The following CELSR1 variants were observed in gnomAD, a reference collection of about 807,000 sequenced individuals.
CELSR1 encodes the protein cadherin EGF LAG seven-pass G-type receptor 1.
Under a neutral mutation model 249.1 loss-of-function variants are expected in CELSR1, and 110 were observed. That is an observed-to-expected ratio of 0.44 (90% CI 0.38 to 0.52). The LOEUF (loss-of-function observed/expected upper bound fraction) is 0.52. Ranked by LOEUF, CELSR1 falls within the 20% of genes least tolerant of loss-of-function variation. CELSR1 has a pLI of 0.00. For synonymous variants in CELSR1, 2,113 were observed against 1,900.0 expected (o/e 1.11, Z -2.92); for missense variants, 4,109 against 4,296.4 (o/e 0.96, Z 1.22).
rs2080078336 is a variant in CELSR1 at position 46,464,727 on chromosome 22, G to A, written c.3545-382C>T. On this transcript the variant is annotated intron_variant, in intron 1 of 34. Transcript: ENST00000674500. The surrounding 1 kb of genome is among the most constrained non-coding windows in gnomAD (Gnocchi z 8.5). ...AAACTCCTCACACGCTTTGGTTCCA[G>A]CCACATGAGGACTTGAAGCCCCCTT... Among the ~76,000 whole-genome samples, 2 of 152,168 alleles carry A rather than the reference G, an allele frequency of 1.3e-5. No homozygotes were observed. The highest frequency in any genetic ancestry group is 4.2e-4 in the South Asian group (2 of 4,814).
At chr22:46,457,748 T>C (rs576193181) in intron 2 of CELSR1, among the ~76,000 whole-genome samples, 2 of 152,304 alleles carry the variant, frequency 1.3e-5, no homozygotes, top group East Asian at 3.9e-4. Context: ...GCTTAGCCAG[T>C]GCTCACAGGG....
Position 46,391,856 on chromosome 22 carries a change from C to T in CELSR1, c.5965-40G>A, listed in dbSNP as rs28649014. 5,490 of 1,580,854 alleles carry T rather than the reference C, an allele frequency of 3.5e-3. 149 individuals are homozygous for T. In the African/African-American group the frequency reaches 0.06, roughly 17 times the overall value. On this transcript the variant is annotated intron_variant, in intron 14 of 34. Transcript: ENST00000674500. This position sits in a 1 kb window ranked among gnomAD's most constrained non-coding sequence, Gnocchi z 4.3. ...GGCAGGGCCTGTGACTTCAGATGCC[C>T]GGGAGAGGCCCTACCTTGCAGCGTG...
chr22:46,363,428 A>T lies in CELSR1; in HGVS notation c.9036-181T>A, dbSNP rs1331938389. On this transcript the variant is annotated intron_variant, in intron 34 of 34. Transcript: ENST00000674500. The surrounding 1 kb of genome is among the most constrained non-coding windows in gnomAD (Gnocchi z 4.3). ...CTGCCCTTGGGAGGCAGGAGAGGGG[A>T]CCAGGACCAGCCTGTGGGCCTCTGT... The T allele has an allele frequency of 5.2e-6, 3 of 576,958 alleles. No homozygotes were observed. In the East Asian group the frequency reaches 8.8e-5, roughly 17 times the overall value. The allele number at this position is 576,958 out of a possible 1,614,324, so 35.7% of individuals were successfully genotyped here. A position where few individuals can be genotyped will look rare whatever the true frequency, so the allele number is the denominator to read the frequency against.
intron 23 of CELSR1, among the ~76,000 whole-genome samples, chr22:46,378,258 G>A (rs1015792943): frequency 6.6e-6 from 1 of 152,236 alleles, no homozygotes; most frequent in Admixed American, 6.5e-5. Context: ...CTGAAGTGAG[G>A]GGCAGGTTCC....
rs994541383 is a variant in CELSR1 at position 46,386,423 on chromosome 22, C to G, written c.6718G>C (p.Val2240Leu). The G allele has an allele frequency of 6.3e-7, 1 of 1,583,786 alleles. No individual in the cohort carries two copies. Among genetic ancestry groups the G allele is most frequent in the Non-Finnish European group, 8.6e-7 (1 of 1,165,522 alleles). The part of the protein sequence containing the change: ...NVRRTYLRPF[V>L]IVTANMILAV... Reference sequence around the variant, plus strand: ...TTACTCATGTTGGCGGTGACGATGACGAAGGGCCGCAGGTACGTCCGCCGC... The same window carrying G: ...TTACTCATGTTGGCGGTGACGATGAGGAAGGGCCGCAGGTACGTCCGCCGC... Residue 2240 changes from valine (V) to leucine (L), a missense_variant, in exon 19 of 35, where the codon GTC becomes CTC. Val to Leu is a conservative substitution (Grantham distance 32). Coordinates refer to ENST00000674500, the MANE Select transcript of CELSR1 (RefSeq NM_001378328.1).
rs2147826672 is a variant in CELSR1 at position 46,535,209 on chromosome 22, G to A, written c.1962C>T (p.Ser654=). The change falls in exon 1 of 35, where the codon AGC becomes AGT. Residue 654 remains serine, a synonymous_variant. Coordinates refer to ENST00000674500, the MANE Select transcript of CELSR1 (RefSeq NM_001378328.1). ...ELDREEVEHY[S]FGVEAVDHGS... ...CGTGGTCCACCGCCTCCACCCCGAAGCTGTAGTGCTCCACCTCCTCGCGGT... is the reference window on the plus strand; with the variant it reads ...CGTGGTCCACCGCCTCCACCCCGAAACTGTAGTGCTCCACCTCCTCGCGGT... 6.2e-7 allele frequency: 1 copy of A among 1,609,616 alleles called. No individual in the cohort carries two copies. Among genetic ancestry groups the A allele is most frequent in the East Asian group, 2.2e-5 (1 of 44,868 alleles).
In CELSR1 at chr22:46,534,366, G is replaced by A. The variant is rs376784043; in HGVS notation, c.2805C>T (p.Asp935=). Residue 935 remains aspartate, a synonymous_variant, in exon 1 of 35, where the codon GAC becomes GAT. Coordinates refer to ENST00000674500, the MANE Select transcript of CELSR1 (RefSeq NM_001378328.1). This position sits in a 1 kb window ranked among gnomAD's most constrained non-coding sequence, Gnocchi z 9.7. ...GRLLYTFQGG[D]DGDGDFYIEP... is the part of the protein sequence containing the mutation. ...CGATGTAGAAGTCCCCATCGCCGTC[G>A]TCCCCACCCTGGAAGGTGTACAGCA... 2.1e-5 allele frequency: 34 copies of A among 1,612,734 alleles called. No homozygotes were observed. Among genetic ancestry groups the A allele is most frequent in the Non-Finnish European group, 2.4e-5 (28 of 1,180,024 alleles).
In CELSR1 at chr22:46,407,084, A is replaced by AG; in HGVS notation, c.5226+1911dup. ...CAAGGCAGGAGAGGAGGCTAACCTAAGGGCAGCATCTCTGTGCGCTGAAGG... is the reference window on the plus strand; with the variant it reads ...CAAGGCAGGAGAGGAGGCTAACCTAAGGGGCAGCATCTCTGTGCGCTGAAGG... On this transcript the variant is annotated intron_variant, in intron 9 of 34. Transcript: ENST00000674500. This position sits in a 1 kb window ranked among gnomAD's most constrained non-coding sequence, Gnocchi z 4.8. Among the ~76,000 whole-genome samples the AG allele has an allele frequency of 6.6e-6, 1 of 152,192 alleles. No individual in the cohort carries two copies. Among genetic ancestry groups the AG allele is most frequent in the South Asian group, 2.1e-4 (1 of 4,834 alleles).
intron 5 of CELSR1, among the ~76,000 whole-genome samples, chr22:46,416,205 G>A (rs75883317): frequency 0.01 from 1,582 of 152,132 alleles, 27 homozygotes; most frequent in African/African-American, 0.037. Flanking sequence ...AAAAGACAGC[G>A]TGGGAATGAA....
At chr22:46,426,014 T>C (rs2079532440) in intron 5 of CELSR1, among the ~76,000 whole-genome samples, 1 of 151,500 alleles carries the variant, frequency 6.6e-6, no homozygotes, top group Non-Finnish European at 1.5e-5. Flanking sequence ...CTTCTTCCCT[T>C]CCTCCCTTCT....
At chr22:46,469,989 A>AGGGAGGGAGGATGAG (rs1569186652) in intron 1 of CELSR1, among the ~76,000 whole-genome samples, 3 of 119,032 alleles carry the variant, frequency 2.5e-5, no homozygotes, top group African/African-American at 3.2e-5. Context: ...GGAGGAGGGG[A>AGGGAGGGAGGATGAG]GGGAGGGAGG....
rs939472258 is a variant in CELSR1, at chr22:46,437,428, C to T, written c.4407-1139G>A. ...AGCAGGAGTCGGCCCGAGCCAGCCT[C>T]GAGCATCTGACCTCAGCCTTTTCTC... On this transcript the variant is annotated intron_variant, in intron 3 of 34. Transcript: ENST00000674500. The surrounding 1 kb of genome is among the most constrained non-coding windows in gnomAD (Gnocchi z 4.9). Among the ~76,000 whole-genome samples the T allele has an allele frequency of 3.9e-5, 6 of 152,166 alleles. No homozygotes were observed. The highest frequency in any genetic ancestry group is 1.2e-4 in the African/African-American group (5 of 41,428).
At chr22:46,455,611 G>C (rs2147539329) in intron 2 of CELSR1, among the ~76,000 whole-genome samples, 1 of 152,314 alleles carries the variant, frequency 6.6e-6, no homozygotes, top group South Asian at 2.1e-4. Context: ...TGAGACAACA[G>C]ATTTCTGTCG....
rs949940033 is a variant in CELSR1 at position 46,488,376 on chromosome 22, G to C, written c.3545-24031C>G. Among the ~76,000 whole-genome samples, 1 of 152,092 alleles carries C rather than the reference G, an allele frequency of 6.6e-6. No individual in the cohort carries two copies. The highest frequency in any genetic ancestry group is 1.9e-4 in the East Asian group (1 of 5,186). On this transcript the variant is annotated intron_variant, in intron 1 of 34. Coordinates refer to ENST00000674500, the MANE Select transcript of CELSR1 (RefSeq NM_001378328.1). This position sits in a 1 kb window ranked among gnomAD's most constrained non-coding sequence, Gnocchi z 4.7. ...CTGAGCCCTTCCTGCTCCTAAGCCC[G>C]CAGCTTCCCTGCTCGCCTACAGCCG...
intron 2 of CELSR1, among the ~76,000 whole-genome samples, chr22:46,444,727 C>T (rs953073146): frequency 3.3e-4 from 50 of 152,312 alleles, no homozygotes; most frequent in Middle Eastern, 3.4e-3. Flanking sequence ...GTCTCACAGT[C>T]GCACAGGCCA....
intron 2 of CELSR1, among the ~76,000 whole-genome samples, chr22:46,462,099 G>C (rs900527677): frequency 6.6e-6 from 1 of 152,204 alleles, no homozygotes; most frequent in African/African-American, 2.4e-5. Flanking sequence ...GGGGTCTCCC[G>C]CCGCCTCTGC....
chr22:46,498,293 A>C (rs1822324916), intron 1 of CELSR1, among the ~76,000 whole-genome samples: 1 of 87,054 alleles, frequency 1.1e-5, no homozygotes, highest in Non-Finnish European at 2.5e-5. Context: ...CTCTGTCTCA[A>C]AAAAAAAAAA....
intron 28 of CELSR1, 96 bp downstream of exon 28, chr22:46,367,633 G>T: frequency 6.7e-7 from 1 of 1,495,322 alleles, no homozygotes; most frequent in African/African-American, 1.4e-5. Flanking sequence ...AGGCAGGGCT[G>T]GTTTGGGACC....
Position 46,506,381 on chromosome 22 carries a change from T to G in CELSR1, c.3544+27246A>C, listed in dbSNP as rs897669150. Among the ~76,000 whole-genome samples, 1 of 152,104 alleles carries G rather than the reference T, an allele frequency of 6.6e-6. No homozygotes were observed. Among genetic ancestry groups the G allele is most frequent in the African/African-American group, 2.4e-5 (1 of 41,420 alleles). ...GAGGCCCCACCTCCCTCCTCAGACT[T>G]ACTGAGCCCCTCAGTTTCCCAGATC... On this transcript the variant is annotated intron_variant, in intron 1 of 34. Transcript: ENST00000674500. This position sits in a 1 kb window ranked among gnomAD's most constrained non-coding sequence, Gnocchi z 4.1.
Sources: gnomAD v4.1 joint callset for allele counts (sites outside exome capture counted in the v4.1 genomes callset) on GRCh38, gnomAD v4.1.1 for gene constraint, Gnocchi (gnomAD v3.1) non-coding constraint, MANE v1.5 for transcripts, NCBI Gene and HGNC (gene_info 2026-07-23, HGNC 2026-07-21) for gene names.